ITPK1: variants seen among roughly 807,000 people sequenced by gnomAD.
ITPK1 encodes the protein inositol 1,3,4-trisphosphate 5/6-kinase.
A neutral mutation model predicts 45.3 loss-of-function variants in ITPK1; 21 were observed. That is an observed-to-expected ratio of 0.46 (90% CI 0.33 to 0.67). ITPK1 has a LOEUF of 0.67. Among genes scored for constraint, ITPK1 ranks in the 30% least tolerant of loss-of-function variants. The pLI is 0.02. For missense variants in ITPK1, 474 were observed against 573.5 expected, an observed-to-expected ratio of 0.83 and a Z score of 1.77; for synonymous variants, 258 against 253.6, an observed-to-expected ratio of 1.02 and a Z score of -0.16.
chr14:93,072,838 C>T (rs1891079608), intron 3 of ITPK1, among the ~76,000 whole-genome samples: 1 of 152,204 alleles, frequency 6.6e-6, no homozygotes, highest in Non-Finnish European at 1.5e-5. Context: ...AGATCTCAAA[C>T]TCATGAGCTC....
chr14:93,099,140 A>C (rs549357373), intron 2 of ITPK1, among the ~76,000 whole-genome samples: 1 of 152,140 alleles, frequency 6.6e-6, no homozygotes, highest in East Asian at 1.9e-4. Context: ...TCCTCCCCGC[A>C]GTTCCACCAG....
intron 3 of ITPK1, among the ~76,000 whole-genome samples, chr14:93,041,616 G>T (rs1367199060): frequency 6.6e-6 from 1 of 152,192 alleles, no homozygotes; most frequent in Non-Finnish European, 1.5e-5. Flanking sequence ...GGCAGGCAAG[G>T]CCCCTGCCCA....
chr14:93,030,143 G>A (rs141411320), intron 3 of ITPK1, among the ~76,000 whole-genome samples: 2 of 152,372 alleles, frequency 1.3e-5, no homozygotes, highest in African/African-American at 4.8e-5. Context: ...AACTGAGGGT[G>A]TGAGAGCGGC....
At chr14:92,981,766 A>G (rs925180709) in intron 5 of ITPK1, among the ~76,000 whole-genome samples, 1 of 152,234 alleles carries the variant, frequency 6.6e-6, no homozygotes, top group African/African-American at 2.4e-5. Flanking sequence ...GACAATGACG[A>G]AACAGTGGAA....
chr14:93,050,565 G>A (rs569407321), intron 3 of ITPK1, among the ~76,000 whole-genome samples: 12 of 152,084 alleles, frequency 7.9e-5, no homozygotes, highest in Non-Finnish European at 1.3e-4. Context: ...TGAAGGCATC[G>A]ATGCACACTT....
rs1424448553 is a variant in ITPK1, at chr14:92,957,818, GC to G, written c.670+382del. Among the ~76,000 whole-genome samples the G allele has an allele frequency of 2.0e-5, 3 of 152,258 alleles. No homozygotes were observed. In the East Asian group the frequency reaches 5.8e-4, roughly 29 times the overall value. ...AAGATGGCTCAGCGGGAGACAGCAG[GC>G]AGCACCTGCCCTGGCTTCCCTGGAA... On this transcript the variant is annotated intron_variant, in intron 8 of 10. Coordinates refer to ENST00000267615, the MANE Select transcript of ITPK1 (RefSeq NM_014216.6).
In ITPK1 at chr14:93,075,107, A is replaced by T. The variant is rs533626259; in HGVS notation, c.120+1488T>A. On this transcript the variant is annotated intron_variant, in intron 3 of 10. Transcript: ENST00000267615. ...TTTGGAAGGCCGAGGTGGGTGGATCACCTGAGGTCGGGAGTTCAAGATCAG... is the reference window on the plus strand; with the variant it reads ...TTTGGAAGGCCGAGGTGGGTGGATCTCCTGAGGTCGGGAGTTCAAGATCAG... Among the ~76,000 whole-genome samples, 6 of 152,158 alleles carry T rather than the reference A, an allele frequency of 3.9e-5. No individual in the cohort carries two copies. In the East Asian group the frequency reaches 7.7e-4, roughly 20 times the overall value.
At chr14:93,073,451 C>T (rs977629576) in intron 3 of ITPK1, among the ~76,000 whole-genome samples, 4 of 152,350 alleles carry the variant, frequency 2.6e-5, no homozygotes, top group Non-Finnish European at 5.9e-5. Context: ...GAAGGTTACA[C>T]ACAAATGCTT....
At chr14:93,107,965 GGAGGAAAGGCCT>G (rs1892591193) in intron 2 of ITPK1, among the ~76,000 whole-genome samples, 1 of 152,250 alleles carries the variant, frequency 6.6e-6, no homozygotes, top group African/African-American at 2.4e-5. Context: ...GCCGCAGCCG[GGAGGAAAGGCCT>G]GTTCACAAGG....
chr14:93,026,781 G>A (rs983792200), intron 3 of ITPK1, among the ~76,000 whole-genome samples: 1 of 143,948 alleles, frequency 6.9e-6, no homozygotes, highest in Non-Finnish European at 1.5e-5. Context: ...AGAAGAGAAC[G>A]GGGAGTGCTT....
In ITPK1 at chr14:92,941,603, C is replaced by G; in HGVS notation, c.1203G>C (p.Gln401His). The change falls in exon 11 of 11, where the codon CAG (glutamine) becomes CAC (histidine). Residue 401 changes from glutamine to histidine, a missense_variant. This residue lies in a region of ITPK1 where 107 missense variants were observed against 92.9 expected (regional missense o/e 1.15). Transcript: ENST00000267615. ...CNAGVSPSFQ[Q>H]HCVASLATKA... ...TGGTGGCCAGGGAGGCCACACAATG[C>G]TGCTGGAAGCTGGGCGACACGCCGG... 6.5e-7 allele frequency: 1 copy of G among 1,537,604 alleles called. No homozygotes were observed. The highest frequency in any genetic ancestry group is 8.7e-7 in the Non-Finnish European group (1 of 1,144,554).
intron 3 of ITPK1, among the ~76,000 whole-genome samples, chr14:93,072,316 AT>A (rs1248187350): frequency 6.6e-6 from 1 of 151,690 alleles, no homozygotes; most frequent in South Asian, 2.1e-4. Flanking sequence ...AAAAAAAAAA[AT>A]TAAATAAGTA....
At chr14:93,111,020 A>C (rs1300853656) in intron 2 of ITPK1, among the ~76,000 whole-genome samples, 1 of 142,844 alleles carries the variant, frequency 7.0e-6, no homozygotes, top group Non-Finnish European at 1.5e-5. Context: ...CTCATCCCTC[A>C]TCCCTCCATC....
At chr14:93,046,634 T>C (rs1280188323) in intron 3 of ITPK1, among the ~76,000 whole-genome samples, 5 of 151,378 alleles carry the variant, frequency 3.3e-5, no homozygotes, top group Non-Finnish European at 7.4e-5. Context: ...AACAGAAACA[T>C]CTCCAAATGA....
intron 2 of ITPK1, among the ~76,000 whole-genome samples, chr14:93,081,187 A>C (rs1158143373): frequency 1.3e-5 from 2 of 151,786 alleles, no homozygotes; most frequent in Non-Finnish European, 2.9e-5. Context: ...TATAAAAATT[A>C]GCTGGGCATA....
intron 5 of ITPK1, among the ~76,000 whole-genome samples, chr14:92,974,947 C>T (rs1279193027): frequency 6.6e-6 from 1 of 152,226 alleles, no homozygotes; most frequent in African/African-American, 2.4e-5. Flanking sequence ...AGTGACTTCA[C>T]AGCTTCAGGG....
chr14:92,971,738 C>T (rs1394505743), intron 5 of ITPK1, among the ~76,000 whole-genome samples: 1 of 152,222 alleles, frequency 6.6e-6, no homozygotes, highest in African/African-American at 2.4e-5. Flanking sequence ...ACCGCCAATG[C>T]TCTGATCTGA....
chr14:93,043,622 G>A (rs950638197), intron 3 of ITPK1, among the ~76,000 whole-genome samples: 6 of 152,226 alleles, frequency 3.9e-5, no homozygotes, highest in Admixed American at 6.5e-5. Context: ...CACTCAGGCC[G>A]TAGCCAGCCT....
At chr14:93,043,714 G>T (rs1889661398) in intron 3 of ITPK1, among the ~76,000 whole-genome samples, 1 of 152,208 alleles carries the variant, frequency 6.6e-6, no homozygotes, top group Non-Finnish European at 1.5e-5. Context: ...GGCTGGGGGT[G>T]GTGTCACCAG....
Sources: gnomAD v4.1 joint callset for allele counts (sites outside exome capture counted in the v4.1 genomes callset) on GRCh38, gnomAD v4.1.1 for gene constraint, gnomAD v4.1.1 regional missense constraint, MANE v1.5 for transcripts, NCBI Gene and HGNC (gene_info 2026-07-23, HGNC 2026-07-21) for gene names.